The following SLCO2B1 variants were observed in gnomAD, a reference collection of about 807,000 sequenced individuals.
SLCO2B1 encodes the protein solute carrier organic anion transporter family member 2B1, also known as OATP-RP2.
Under a neutral mutation model 67.3 loss-of-function variants are expected in SLCO2B1, and 41 were observed. That is an observed-to-expected ratio of 0.61 (90% CI 0.47 to 0.79). The LOEUF (loss-of-function observed/expected upper bound fraction) is 0.79, where lower values mean the gene tolerates loss of function less well. Ranked by LOEUF, SLCO2B1 falls within the 30% of genes least tolerant of loss-of-function variation. The pLI is 0.00. For synonymous variants in SLCO2B1, 379 were observed against 381.4 expected (o/e 0.99, Z 0.07); for missense variants, 837 against 920.1 (o/e 0.91, Z 1.17).
At chr11:75,182,537 G>C (rs61375787) in intron 7 of SLCO2B1, among the ~76,000 whole-genome samples, 3,908 of 152,308 alleles carry the variant, frequency 0.026, 77 homozygotes, top group African/African-American at 0.049. Flanking sequence ...GAGGTCAGGA[G>C]TTCGAGACCA....
rs1406729125 is a variant in SLCO2B1 at position 75,193,624 on chromosome 11, G to A, written c.1433+49G>A. On this transcript the variant is annotated intron_variant, in intron 9 of 13. Coordinates refer to ENST00000289575, the MANE Select transcript of SLCO2B1 (RefSeq NM_007256.5). The surrounding 1 kb of genome is among the most constrained non-coding windows in gnomAD (Gnocchi z 4.2). ...AAGGCAAGCCTGGGAGGACAGGACA[G>A]GGAGGACAGGGGCCCTGGGCAGAGG... 6.8e-7 allele frequency: 1 copy of A among 1,468,984 alleles called. No individual in the cohort carries two copies. Among genetic ancestry groups the A allele is most frequent in the Admixed American group, 2.2e-5 (1 of 44,920 alleles). 91.0% of individuals were successfully genotyped at this position (1,468,984 alleles called of 1,614,324 possible). A position where few individuals can be genotyped will look rare whatever the true frequency, so the allele number is the denominator to read the frequency against.
At chr11:75,183,715 G>A (rs1425363823) in intron 7 of SLCO2B1, among the ~76,000 whole-genome samples, 1 of 152,130 alleles carries the variant, frequency 6.6e-6, no homozygotes, top group Non-Finnish European at 1.5e-5. Flanking sequence ...GTCGAAATGG[G>A]GTCTTACTAT....
chr11:75,162,707 G>C lies in SLCO2B1; in HGVS notation c.69G>C (p.Met23Ile). The C allele has an allele frequency of 6.2e-7, 1 of 1,613,664 alleles. No homozygotes were observed. Among genetic ancestry groups the C allele is most frequent in the Non-Finnish European group, 8.5e-7 (1 of 1,179,922 alleles). Residue 23 changes from methionine (M) to isoleucine (I), a missense_variant, in exon 2 of 14, where the codon ATG becomes ATC. Coordinates refer to ENST00000289575, the MANE Select transcript of SLCO2B1 (RefSeq NM_007256.5). ...QVPDKETKATMGTENTPGGKA... is the reference protein window; with the variant it reads ...QVPDKETKATIGTENTPGGKA... The stretch of plus-strand genomic sequence containing the variant: ...CAGACAAGGAAACCAAAGCCACAAT[G>C]GGCACAGAAAACACACCTGGAGGCA...
At chr11:75,175,304 C>A (rs1950010396) in intron 7 of SLCO2B1, among the ~76,000 whole-genome samples, 1 of 152,038 alleles carries the variant, frequency 6.6e-6, no homozygotes, top group Admixed American at 6.6e-5. Flanking sequence ...TTGGCCTGGC[C>A]CAGGAGGGCC....
At chr11:75,159,576 G>A (rs1230107983) in intron 1 of SLCO2B1, among the ~76,000 whole-genome samples, 1 of 152,230 alleles carries the variant, frequency 6.6e-6, no homozygotes, top group Non-Finnish European at 1.5e-5. Context: ...GAGTCAGGGA[G>A]GCGAAGGTTT....
At chr11:75,166,099 C>T (rs1411938412) in intron 4 of SLCO2B1, 150 bp downstream of exon 4, 4 of 959,594 alleles carry the variant, frequency 4.2e-6, no homozygotes, top group African/African-American at 3.3e-5. Context: ...ACCTGGCTCC[C>T]CAGGCCCCAG....
At position 75,173,822 on chromosome 11, in the gene SLCO2B1, A is replaced by T. The variant is rs112440271; in HGVS notation, c.972+1253A>T. Among the ~76,000 whole-genome samples the T allele has an allele frequency of 3.4e-3, 512 of 152,288 alleles. 4 individuals carry two copies. Among genetic ancestry groups the T allele is most frequent in the African/African-American group, 0.012 (496 of 41,566 alleles). On this transcript the variant is annotated intron_variant, in intron 7 of 13. Transcript: ENST00000289575. ...AACAATTTTTAAAGTTTATTTATTT[A>T]TTTTTATTTTTTGAGACAGAGTCTT...
chr11:75,183,948 C>T (rs967510840), intron 7 of SLCO2B1, among the ~76,000 whole-genome samples: 5 of 152,090 alleles, frequency 3.3e-5, no homozygotes, highest in South Asian at 4.1e-4. Context: ...TAGGACTTGC[C>T]GGCAGGTCCC....
At chr11:75,156,257 G>T (rs1478265106) in intron 1 of SLCO2B1, among the ~76,000 whole-genome samples, 1 of 152,192 alleles carries the variant, frequency 6.6e-6, no homozygotes, top group Non-Finnish European at 1.5e-5. Flanking sequence ...AGGACTGGGG[G>T]AGTACAAGAC....
At chr11:75,180,452 C>T (rs1336056800) in intron 7 of SLCO2B1, among the ~76,000 whole-genome samples, 3 of 152,188 alleles carry the variant, frequency 2.0e-5, no homozygotes, top group Non-Finnish European at 4.4e-5. Flanking sequence ...CTAAATTACA[C>T]CCCTACCAAC....
intron 1 of SLCO2B1, among the ~76,000 whole-genome samples, chr11:75,161,319 G>A (rs928806644): frequency 2.5e-4 from 38 of 152,172 alleles, no homozygotes; most frequent in Admixed American, 1.9e-3. Context: ...AGATGGGTAC[G>A]GGACTTCTTA....
In SLCO2B1 at chr11:75,200,283, C is replaced by A. The variant is rs775289054; in HGVS notation, c.1659C>A (p.Cys553Ter). Residue 553 changes from cysteine (C) to a stop codon, truncating the protein, a stop_gained, in exon 11 of 14, where the codon TGC becomes TGA. Coordinates refer to ENST00000289575, the MANE Select transcript of SLCO2B1 (RefSeq NM_007256.5). LOFTEE classifies it high-confidence loss of function. The part of the protein sequence containing the change: ...VEGNPVLAGS[C>*]DSTCSHLVVP... Reference sequence around the variant, plus strand: ...GCAACCCCGTGCTGGCAGGATCCTGCGACTCAACGTGCAGCCATCTGGTGG... The same window carrying A: ...GCAACCCCGTGCTGGCAGGATCCTGAGACTCAACGTGCAGCCATCTGGTGG... 8.1e-6 allele frequency: 13 copies of A among 1,613,762 alleles called. No homozygotes were observed. The highest frequency in any genetic ancestry group is 1.0e-5 in the Non-Finnish European group (12 of 1,179,948).
intron 1 of SLCO2B1, among the ~76,000 whole-genome samples, chr11:75,158,450 ATTC>A (rs1482419145): frequency 6.6e-6 from 1 of 152,184 alleles, no homozygotes; most frequent in East Asian, 1.9e-4. Context: ...GTTTGTTCAG[ATTC>A]TTCTCTGTGT....
At chr11:75,158,963 G>C (rs1039488886) in intron 1 of SLCO2B1, among the ~76,000 whole-genome samples, 2 of 152,200 alleles carry the variant, frequency 1.3e-5, no homozygotes, top group Non-Finnish European at 2.9e-5. Flanking sequence ...CCCAGACTCA[G>C]GTGGTGTGGA....
At chr11:75,163,930 C>T (rs71467864) in intron 2 of SLCO2B1, 33 bp from the exon 3 acceptor site, 8 of 1,576,404 alleles carry the variant, frequency 5.1e-6, no homozygotes, top group Non-Finnish European at 6.9e-6. Flanking sequence ...CCCTGCACCG[C>T]CCACCTCTGC....
intron 1 of SLCO2B1, among the ~76,000 whole-genome samples, chr11:75,159,439 G>A (rs1248100148): frequency 2.6e-5 from 4 of 152,320 alleles, no homozygotes; most frequent in South Asian, 4.1e-4. Flanking sequence ...TCCCATGGCC[G>A]TCCCATCCTC....
intron 9 of SLCO2B1, chr11:75,196,312 AG>A: frequency 1.7e-6 from 1 of 576,272 alleles, no homozygotes; most frequent in Non-Finnish European, 3.1e-6. Flanking sequence ...TGTAGGATTG[AG>A]GGGGCCTGTC....
At chr11:75,166,291 T>A (rs1411860033) in intron 4 of SLCO2B1, among the ~76,000 whole-genome samples, 1 of 152,164 alleles carries the variant, frequency 6.6e-6, no homozygotes, top group Non-Finnish European at 1.5e-5. Flanking sequence ...ATAATAATAG[T>A]GTCATACACT....
At chr11:75,191,094 A>G (rs1945017037) in intron 8 of SLCO2B1, among the ~76,000 whole-genome samples, 1 of 152,176 alleles carries the variant, frequency 6.6e-6, no homozygotes, top group African/African-American at 2.4e-5. Context: ...GAAGCAATCC[A>G]TGAGATGGAG....
Sources: allele counts gnomAD v4.1 joint callset (sites outside exome capture counted in the v4.1 genomes callset), GRCh38; gene constraint gnomAD v4.1.1; non-coding constraint Gnocchi (gnomAD v3.1); transcripts MANE v1.5; gene names NCBI Gene and HGNC (gene_info 2026-07-23, HGNC 2026-07-21).